ILDR2: variants seen among roughly 807,000 people sequenced by gnomAD.
ILDR2 encodes the protein immunoglobulin like domain containing receptor 2, also known as immunoglobulin-like domain-containing receptor 2.
A neutral mutation model predicts 66.8 loss-of-function variants in ILDR2; 25 were observed. The observed-to-expected ratio is 0.37, with a 90% CI of 0.27 to 0.52. ILDR2 has a LOEUF of 0.52. Ranked by LOEUF, ILDR2 falls within the 20% of genes least tolerant of loss-of-function variation. The probability of loss-of-function intolerance (pLI) is 0.88; values close to 1 mark genes in which losing one functional copy is unlikely to be tolerated. For missense variants in ILDR2, 827 were observed against 876.8 expected (o/e 0.94, Z 0.72); for synonymous variants, 367 against 357.2 (o/e 1.03, Z -0.31).
chr1:166,913,275 A>C lies in ILDR2; in HGVS notation c.*6080T>G, dbSNP rs766737489. ...CAATTTGTATGTCTGACACAGAAAA[A>C]AAAAGTCATGGACAACAGTAATACA... On this transcript the variant is annotated 3_prime_UTR_variant, in exon 10 of 10. Coordinates refer to ENST00000271417, the MANE Select transcript of ILDR2 (RefSeq NM_199351.3). The C allele has an allele frequency of 1.3e-5, 2 of 152,202 alleles. No homozygotes were observed. The highest frequency in any genetic ancestry group is 2.9e-5 in the Non-Finnish European group (2 of 68,040). The allele number at this position is 152,202 out of a possible 1,614,324, so 9.4% of individuals were successfully genotyped here. A position where few individuals can be genotyped will look rare whatever the true frequency, so the allele number is the denominator to read the frequency against.
chr1:166,975,099 A>G (rs1663517264), intron 1 of ILDR2, 124 bp downstream of exon 1: 1 of 761,384 alleles, frequency 1.3e-6, no homozygotes, highest in Non-Finnish European at 2.3e-6. Flanking sequence ...ACTTTCCACC[A>G]GACCGCTAAG....
At chr1:166,959,845 C>T (rs748287589) in intron 1 of ILDR2, among the ~76,000 whole-genome samples, 13 of 152,252 alleles carry the variant, frequency 8.5e-5, no homozygotes, top group Admixed American at 2.6e-4. Context: ...GCAGAAAAAA[C>T]GAATATGAAG....
In ILDR2 at chr1:166,921,026, G is replaced by T; in HGVS notation, c.1565C>A (p.Pro522His). 1 of 1,515,012 alleles carries T rather than the reference G, an allele frequency of 6.6e-7. No individual in the cohort carries two copies. Among genetic ancestry groups the T allele is most frequent in the Non-Finnish European group, 8.7e-7 (1 of 1,142,886 alleles). The allele number at this position is 1,515,012 out of a possible 1,614,324, so 93.8% of individuals were successfully genotyped here. A position where few individuals can be genotyped will look rare whatever the true frequency, so the allele number is the denominator to read the frequency against. ...RLVSRTPGTA[P>H]KYDHSYLGSA... ...GCCCAGGTACGAGTGGTCGTATTTG[G>T]GTGCGGTGCCTGGCGTGCGGCTCAC... The change falls in exon 9 of 10, where the codon CCC becomes CAC. Residue 522 changes from proline to histidine, a missense_variant. Pro to His is a moderately conservative substitution (Grantham distance 77). Around this residue, in one of 2 missense-constraint regions of ILDR2, gnomAD observed 390 missense variants for 353.6 expected, o/e 1.10. Coordinates refer to ENST00000271417, the MANE Select transcript of ILDR2 (RefSeq NM_199351.3). This position sits in a 1 kb window ranked among gnomAD's most constrained non-coding sequence, Gnocchi z 5.3.
rs1661812853 is a variant in ILDR2, at chr1:166,949,024, G to A, written c.499+7709C>T. ...TGCTGCACTGAGTCCAGGGCTGTCTGACCCTGAAGCCTCTGCTGTTCACAG... is the reference window on the plus strand; with the variant it reads ...TGCTGCACTGAGTCCAGGGCTGTCTAACCCTGAAGCCTCTGCTGTTCACAG... On this transcript the variant is annotated intron_variant, in intron 3 of 9. Transcript: ENST00000271417. Among the ~76,000 whole-genome samples the A allele has an allele frequency of 2.0e-5, 3 of 152,244 alleles. No homozygotes were observed. The South Asian group carries it at 6.2e-4, about 31-fold the overall frequency.
At position 166,909,807 on chromosome 1, in the gene ILDR2, C is replaced by T. The variant is rs1218352619; in HGVS notation, c.*9548G>A. On this transcript the variant is annotated 3_prime_UTR_variant, in exon 10 of 10. Transcript: ENST00000271417. ...TATATATATATATATATATATATAT[C>T]CTTCTAGCTTTGCTCTACTGGACAT... is the stretch of plus-strand genomic sequence containing the variant. The T allele has an allele frequency of 4.7e-4, 38 of 81,404 alleles. No homozygotes were observed. The highest frequency in any genetic ancestry group is 1.6e-3 in the African/African-American group (33 of 20,680). The allele number at this position is 81,404 out of a possible 1,614,324, so 5.0% of individuals were successfully genotyped here.
At position 166,913,839 on chromosome 1, in the gene ILDR2, G is replaced by A. The variant is rs1659536552; in HGVS notation, c.*5516C>T. ...GGTGATGAAAGTGAGGCTCTCAGCTGGGTTCAGTGGCTCATGTCTGTAATA... is the reference window on the plus strand; with the variant it reads ...GGTGATGAAAGTGAGGCTCTCAGCTAGGTTCAGTGGCTCATGTCTGTAATA... On this transcript the variant is annotated 3_prime_UTR_variant, in exon 10 of 10. Transcript: ENST00000271417. 1 of 152,180 alleles carries A rather than the reference G, an allele frequency of 6.6e-6. No individual in the cohort carries two copies. Among genetic ancestry groups the A allele is most frequent in the Admixed American group, 6.5e-5 (1 of 15,274 alleles). 9.4% of individuals were successfully genotyped at this position (152,180 alleles called of 1,614,324 possible). A position where few individuals can be genotyped will look rare whatever the true frequency, so the allele number is the denominator to read the frequency against.
Position 166,957,246 on chromosome 1 carries a change from C to T in ILDR2, c.380-394G>A, listed in dbSNP as rs112934130. ...ATTCAAATAATCGAATAGATCATAT[C>T]GGACTCTTGGGACCTTTTGAGGTCC... On this transcript the variant is annotated intron_variant, in intron 2 of 9. Coordinates refer to ENST00000271417, the MANE Select transcript of ILDR2 (RefSeq NM_199351.3). Among the ~76,000 whole-genome samples the T allele has an allele frequency of 7.2e-3, 1,104 of 152,330 alleles. 10 individuals are homozygous for T. The highest frequency in any genetic ancestry group is 0.024 in the African/African-American group (1,010 of 41,558).
In ILDR2 at chr1:166,927,178, G is replaced by C. The variant is rs142876093; in HGVS notation, c.883C>G (p.Arg295Gly). The change falls in exon 7 of 10, where the codon CGC (arginine) becomes GGC (glycine). Residue 295 changes from arginine to glycine, a missense_variant and splice_region_variant. By Grantham distance (125) the Arg-to-Gly change is moderately radical. This residue lies in a region of ILDR2 where 437 missense variants were observed against 523.2 expected (regional missense o/e 0.84). Transcript: ENST00000271417. The part of the protein sequence containing the change: ...SDSTGGSHSV[R>G]KGYRIQADKE... The stretch of plus-strand genomic sequence containing the variant: ...TCAGCCTGGATCCGGTAACCTTTGC[G>C]AACTGTTGAGAAAAGCACAAGAAGG... 6.2e-7 allele frequency: 1 copy of C among 1,606,414 alleles called. No individual in the cohort carries two copies. The highest frequency in any genetic ancestry group is 2.2e-5 in the East Asian group (1 of 44,720).
Position 166,949,053 on chromosome 1 carries a change from A to T in ILDR2, c.499+7680T>A, listed in dbSNP as rs1023470613. On this transcript the variant is annotated intron_variant, in intron 3 of 9. Coordinates refer to ENST00000271417, the MANE Select transcript of ILDR2 (RefSeq NM_199351.3). ...CTGAAGCCTCTGCTGTTCACAGTGGACTTTATCCAATATCCAGAGAGACCT... is the reference window on the plus strand; with the variant it reads ...CTGAAGCCTCTGCTGTTCACAGTGGTCTTTATCCAATATCCAGAGAGACCT... 3.9e-5 allele frequency among the ~76,000 whole-genome samples: 6 copies of T among 152,216 alleles called. No individual in the cohort carries two copies. In the East Asian group the frequency reaches 1.2e-3, roughly 29 times the overall value.
In ILDR2 at chr1:166,909,780, T is replaced by C. The variant is rs1000336100; in HGVS notation, c.*9575A>G. ...ATATAAATATATATAAATATATATA[T>C]TTATATATATATATATATATATATA... is the stretch of plus-strand genomic sequence containing the variant. On this transcript the variant is annotated 3_prime_UTR_variant, in exon 10 of 10. Transcript: ENST00000271417. The C allele has an allele frequency of 2.6e-5, 1 of 39,114 alleles. No individual in the cohort carries two copies. The highest frequency in any genetic ancestry group is 8.2e-4 in the South Asian group (1 of 1,218). 2.4% of individuals were successfully genotyped at this position (39,114 alleles called of 1,614,324 possible).
At chr1:166,923,237 T>A (rs1455539399) in intron 7 of ILDR2, among the ~76,000 whole-genome samples, 1 of 152,168 alleles carries the variant, frequency 6.6e-6, no homozygotes. Context: ...ACAGAAGCCA[T>A]AGATCACAGC....
chr1:166,940,217 T>C (rs541380740), intron 3 of ILDR2, among the ~76,000 whole-genome samples: 1 of 152,314 alleles, frequency 6.6e-6, no homozygotes, highest in East Asian at 1.9e-4. Flanking sequence ...AAGTGCCTTC[T>C]GCGTAATATG....
At chr1:166,923,879 C>T (rs1660111755) in intron 7 of ILDR2, among the ~76,000 whole-genome samples, 2 of 152,150 alleles carry the variant, frequency 1.3e-5, no homozygotes, top group Admixed American at 1.3e-4. Flanking sequence ...TTTCTAAAGT[C>T]CTTTAATTAG....
In ILDR2 at chr1:166,936,059, A is replaced by G. The variant is rs75497033; in HGVS notation, c.703+532T>C. Among the ~76,000 whole-genome samples, 1,236 of 152,338 alleles carry G rather than the reference A, an allele frequency of 8.1e-3. 9 individuals are homozygous for G. The highest frequency in any genetic ancestry group is 0.012 in the Admixed American group (190 of 15,306). On this transcript the variant is annotated intron_variant, in intron 5 of 9. Coordinates refer to ENST00000271417, the MANE Select transcript of ILDR2 (RefSeq NM_199351.3). This position sits in a 1 kb window ranked among gnomAD's most constrained non-coding sequence, Gnocchi z 5.0. ...GGGAGGGGTACCAAACTTAATGTCT[A>G]TATGGGCTTGGCCAGTAAGGTAAAA...
chr1:166,966,091 G>A (rs889352777), intron 1 of ILDR2, among the ~76,000 whole-genome samples: 6 of 151,302 alleles, frequency 4.0e-5, no homozygotes, highest in Non-Finnish European at 7.4e-5. Context: ...TTTTCTTCTC[G>A]AAATAGGAAC....
chr1:166,928,794 G>A (rs936452442), intron 6 of ILDR2, among the ~76,000 whole-genome samples: 2 of 152,160 alleles, frequency 1.3e-5, no homozygotes, highest in African/African-American at 2.4e-5. Flanking sequence ...AATATACTGG[G>A]CAGTCCACAT....
intron 3 of ILDR2, among the ~76,000 whole-genome samples, chr1:166,945,549 C>T (rs1259259813): frequency 6.6e-6 from 1 of 152,214 alleles, no homozygotes; most frequent in Non-Finnish European, 1.5e-5. Context: ...TAAAATAACA[C>T]ATAAAACTTT....
intron 7 of ILDR2, 34 bp from the exon 8 acceptor site, chr1:166,922,843 T>TTG: frequency 6.4e-7 from 1 of 1,564,540 alleles, no homozygotes; most frequent in Non-Finnish European, 8.8e-7. Context: ...ATAGAGCTTT[T>TTG]TGTGTTACTC....
In ILDR2 at chr1:166,975,270, T is replaced by G; in HGVS notation, c.-2A>C. 1 of 1,612,532 alleles carries G rather than the reference T, an allele frequency of 6.2e-7. No homozygotes were observed. Among genetic ancestry groups the G allele is most frequent in the Middle Eastern group, 1.7e-4 (1 of 6,054 alleles). On this transcript the variant is annotated 5_prime_UTR_variant, in exon 1 of 10. Transcript: ENST00000271417. ...CCACCTCAGCAAGACCCTATCCATC[T>G]TCCCCAACTTCCCAGCCGAATTACG...
Sources: allele counts gnomAD v4.1 joint callset (sites outside exome capture counted in the v4.1 genomes callset), GRCh38; gene constraint gnomAD v4.1.1; regional missense constraint gnomAD v4.1.1; non-coding constraint Gnocchi (gnomAD v3.1); transcripts MANE v1.5; gene names NCBI Gene and HGNC (gene_info 2026-07-23, HGNC 2026-07-21).